The following SLITRK6 variants were observed in gnomAD, a reference collection of about 807,000 sequenced individuals.
The protein encoded by SLITRK6 is SLIT and NTRK like family member 6.
A neutral mutation model predicts 55.6 loss-of-function variants in SLITRK6; 35 were observed. The ratio of observed to expected loss-of-function variants is 0.63; its 90% confidence interval spans 0.48 to 0.83. The LOEUF (loss-of-function observed/expected upper bound fraction) is 0.83, where lower values mean the gene tolerates loss of function less well. SLITRK6 is among the 40% of genes least tolerant of loss of function. The pLI, the probability that SLITRK6 is intolerant of heterozygous loss-of-function variation, is 0.00. For synonymous variants in SLITRK6, 392 were observed against 359.6 expected (o/e 1.09, Z -1.02); for missense variants, 977 against 986.4 (o/e 0.99, Z 0.13).
rs1415607659 is a variant in SLITRK6, at chr13:85,794,601, C to T, written c.1908G>A (p.Arg636=). The part of the protein sequence containing the change: ...AGIVVLVLHR[R]RRYKKKQVDE... ...CTACTTGTTTCTTTTTGTATCTTCT[C>T]CTGCGGTGAAGAACAAGAACCACTA... is the stretch of plus-strand genomic sequence containing the variant. The change falls in exon 2 of 2, where the codon AGG becomes AGA. Residue 636 remains arginine, a synonymous_variant. Transcript: ENST00000647374. 3.1e-6 allele frequency: 5 copies of T among 1,613,096 alleles called. No homozygotes were observed. Among genetic ancestry groups the T allele is most frequent in the Non-Finnish European group, 4.2e-6 (5 of 1,179,506 alleles).
At position 85,795,531 on chromosome 13, in the gene SLITRK6, T is replaced by C. The variant is rs1211913276; in HGVS notation, c.978A>G (p.Gly326=). The C allele has an allele frequency of 6.2e-7, 1 of 1,612,906 alleles. No individual in the cohort carries two copies. The highest frequency in any genetic ancestry group is 2.2e-5 in the East Asian group (1 of 44,816). ...YITKPSTQLP[G]PYCPIPCNCK... ...AGTTACAAGGAATAGGGCAGTAAGG[T>C]CCTGGAAGTTGAGTGGATGGCTTTG... The change falls in exon 2 of 2, where the codon GGA becomes GGG. Residue 326 remains glycine, a synonymous_variant. Transcript: ENST00000647374.
rs577252410 is a variant in SLITRK6 at position 85,796,699 on chromosome 13, T to C, written c.-24-167A>G. 1.9e-4 allele frequency among the ~76,000 whole-genome samples: 29 copies of C among 151,770 alleles called. No homozygotes were observed. In the South Asian group the frequency reaches 3.7e-3, roughly 20 times the overall value. Reference sequence around the variant, plus strand: ...ACATCATTTGTTTCTTTTTTTTTTTTCCTAATACTCAGACAGGCAAGTCTG... The same window carrying C: ...ACATCATTTGTTTCTTTTTTTTTTTCCCTAATACTCAGACAGGCAAGTCTG... On this transcript the variant is annotated intron_variant, in intron 1 of 1. Transcript: ENST00000647374.
Position 85,795,805 on chromosome 13 carries a change from T to C in SLITRK6, c.704A>G (p.Asn235Ser), listed in dbSNP as rs1323838612. 3.7e-6 allele frequency: 6 copies of C among 1,612,860 alleles called. No homozygotes were observed. The African/African-American group carries it at 8.0e-5, about 22-fold the overall frequency. ...DLLQLKTWLE[N>S]MPPQSIIGDV... ...ACCAATTATAGACTGTGGAGGCATG[T>C]TCTCCAACCAAGTTTTTAACTGCAA... Residue 235 changes from asparagine to serine, a missense_variant, in exon 2 of 2, where the codon AAC (asparagine) becomes AGC (serine). Coordinates refer to ENST00000647374, the MANE Select transcript of SLITRK6 (RefSeq NM_032229.3).
In SLITRK6 at chr13:85,797,151, C is replaced by CTATATATATATATA. The variant is rs10694306; in HGVS notation, c.-24-633_-24-620dup. ...GTGTTTTAACCTGCTTCGGTTTTGG[C>CTATATATATATATA]TATATATATATATATATACTAATTT... On this transcript the variant is annotated intron_variant, in intron 1 of 1. Coordinates refer to ENST00000647374, the MANE Select transcript of SLITRK6 (RefSeq NM_032229.3). 6.5e-3 allele frequency among the ~76,000 whole-genome samples: 945 copies of CTATATATATATATA among 145,140 alleles called. 11 individuals carry two copies. The highest frequency in any genetic ancestry group is 0.021 in the African/African-American group (843 of 39,816).
rs776574165 is a variant in SLITRK6 at position 85,794,823 on chromosome 13, A to G, written c.1686T>C (p.Ser562=). ...TTACTAAACCTGGACAGAGAATTTC[A>G]CTATTTAGGGCTTTCAATTCCTTTT... ...LDKKELKALN[S]EILCPGLVNN... is the part of the protein sequence containing the mutation. The change falls in exon 2 of 2, where the codon AGT becomes AGC. Residue 562 remains serine, a synonymous_variant. Transcript: ENST00000647374. The G allele has an allele frequency of 1.5e-5, 25 of 1,613,052 alleles. No individual in the cohort carries two copies. Among genetic ancestry groups the G allele is most frequent in the Non-Finnish European group, 2.0e-5 (24 of 1,179,548 alleles).
Position 85,795,419 on chromosome 13 carries a change from T to G in SLITRK6, c.1090A>C (p.Asn364His). The change falls in exon 2 of 2, where the codon AAT becomes CAT. Residue 364 changes from asparagine to histidine, a missense_variant. Transcript: ENST00000647374. ...CCCGCTAGAATGAGCTTTCTAGGAT[T>G]TTGCGGAGGAGGTCTCAGATCTGAT... ...SLSDLRPPPQ[N>H]PRKLILAGNI... The G allele has an allele frequency of 6.2e-7, 1 of 1,612,940 alleles. No individual in the cohort carries two copies. The highest frequency in any genetic ancestry group is 8.5e-7 in the Non-Finnish European group (1 of 1,179,412).
chr13:85,796,467 G>A lies in SLITRK6; in HGVS notation c.42C>T (p.Ala14=), dbSNP rs1435172285. 3 of 1,576,274 alleles carry A rather than the reference G, an allele frequency of 1.9e-6. No homozygotes were observed. In the African/African-American group the frequency reaches 4.1e-5, roughly 22 times the overall value. Residue 14 remains alanine, a synonymous_variant, in exon 2 of 2, where the codon GCC becomes GCT. Transcript: ENST00000647374. ...WIHLFYSSLL[A]CISLHSQTPV... is the part of the protein sequence containing the mutation. ...GAGTTTGGGAGTGTAAAGATATACA[G>A]GCAAGGAGAGATGAATAAAAGAGAT...
At position 85,795,627 on chromosome 13, in the gene SLITRK6, A is replaced by G. The variant is rs1168491808; in HGVS notation, c.882T>C (p.Ser294=). Reference sequence around the variant, plus strand: ...TGGACGTGGTCTTAGTTGACATGCGACTATCATTTATTGAAGATGTTGCTG... The same window carrying G: ...TGGACGTGGTCTTAGTTGACATGCGGCTATCATTTATTGAAGATGTTGCTG... ...HLAATSSIND[S]RMSTKTTSIL... The change falls in exon 2 of 2, where the codon AGT becomes AGC. Residue 294 remains serine, a synonymous_variant. Coordinates refer to ENST00000647374, the MANE Select transcript of SLITRK6 (RefSeq NM_032229.3). 6.2e-7 allele frequency: 1 copy of G among 1,612,918 alleles called. No homozygotes were observed. Among genetic ancestry groups the G allele is most frequent in the Non-Finnish European group, 8.5e-7 (1 of 1,179,430 alleles).
rs1296692890 is a variant in SLITRK6, at chr13:85,796,155, A to G, written c.354T>C (p.His118=). 2 of 1,612,842 alleles carry G rather than the reference A, an allele frequency of 1.2e-6. No individual in the cohort carries two copies. Among genetic ancestry groups the G allele is most frequent in the African/African-American group, 2.7e-5 (2 of 74,840 alleles). ...FNGLGLLKQL[H]INHNSLEILK... is the part of the protein sequence containing the mutation. ...GAATTTCTAAAGAATTGTGATTGAT[A>G]TGAAGTTGTTTCAGGAGGCCAAGGC... The change falls in exon 2 of 2, where the codon CAT becomes CAC. Residue 118 remains histidine, a synonymous_variant. Transcript: ENST00000647374.
intron 1 of SLITRK6, among the ~76,000 whole-genome samples, chr13:85,798,562 T>C (rs984672527): frequency 4.6e-5 from 7 of 152,032 alleles, no homozygotes; most frequent in African/African-American, 1.7e-4. Flanking sequence ...GCATACAAAA[T>C]GCAAAGAATT....
chr13:85,796,964 T>C lies in SLITRK6; in HGVS notation c.-24-432A>G, dbSNP rs1444900160. 5.3e-5 allele frequency among the ~76,000 whole-genome samples: 8 copies of C among 151,876 alleles called. No homozygotes were observed. The East Asian group carries it at 5.8e-4, about 11-fold the overall frequency. ...AGGATTATAGTAAAAGACAATTACATAGTTATTAGCCGTAAGCATAGAGAA... is the reference window on the plus strand; with the variant it reads ...AGGATTATAGTAAAAGACAATTACACAGTTATTAGCCGTAAGCATAGAGAA... On this transcript the variant is annotated intron_variant, in intron 1 of 1. Transcript: ENST00000647374.
chr13:85,794,772 A>T lies in SLITRK6; in HGVS notation c.1737T>A (p.Thr579=). 1 of 1,613,256 alleles carries T rather than the reference A, an allele frequency of 6.2e-7. No homozygotes were observed. Among genetic ancestry groups the T allele is most frequent in the Non-Finnish European group, 8.5e-7 (1 of 1,179,518 alleles). ...LVNNPSMPTQ[T]SYLMVTTPAT... is the part of the protein sequence containing the mutation. The stretch of plus-strand genomic sequence containing the variant: ...CAGGAGTGGTGACCATAAGGTAACT[A>T]GTCTGTGTTGGCATGGATGGGTTAT... Residue 579 remains threonine, a synonymous_variant, in exon 2 of 2, where the codon ACT becomes ACA. Coordinates refer to ENST00000647374, the MANE Select transcript of SLITRK6 (RefSeq NM_032229.3).
Position 85,794,897 on chromosome 13 carries a change from T to A in SLITRK6, c.1612A>T (p.Asn538Tyr), listed in dbSNP as rs1487465458. Residue 538 changes from asparagine to tyrosine, a missense_variant, in exon 2 of 2, where the codon AAC (asparagine) becomes TAC (tyrosine). Coordinates refer to ENST00000647374, the MANE Select transcript of SLITRK6 (RefSeq NM_032229.3). ...CAGAGGATGTCATCTGTCACTGTGT[T>A]CTTGCTTAACTTTTGTATCCATTGC... ...LQQWIQKLSKNTVTDDILCTS... is the reference protein window; with the variant it reads ...LQQWIQKLSKYTVTDDILCTS... 1.2e-6 allele frequency: 2 copies of A among 1,613,084 alleles called. No homozygotes were observed. The highest frequency in any genetic ancestry group is 3.3e-5 in the Admixed American group (2 of 59,798).
At chr13:85,798,042 T>C (rs1172403581) in intron 1 of SLITRK6, among the ~76,000 whole-genome samples, 1 of 151,930 alleles carries the variant, frequency 6.6e-6, no homozygotes, top group Admixed American at 6.6e-5. Context: ...GAAAACATAG[T>C]GTTTTATTGA....
In SLITRK6 at chr13:85,793,679, C is replaced by G. The variant is rs544981693; in HGVS notation, c.*304G>C. Reference sequence around the variant, plus strand: ...AAATTCGGGATACTTAAATGTTCAGCCTTTTTAGATGTGCAAGAGGACTCC... The same window carrying G: ...AAATTCGGGATACTTAAATGTTCAGGCTTTTTAGATGTGCAAGAGGACTCC... On this transcript the variant is annotated 3_prime_UTR_variant, in exon 2 of 2. Coordinates refer to ENST00000647374, the MANE Select transcript of SLITRK6 (RefSeq NM_032229.3). The G allele has an allele frequency of 9.0e-5, 22 of 244,564 alleles. No individual in the cohort carries two copies. The South Asian group carries it at 3.1e-3, about 34-fold the overall frequency. The allele number at this position is 244,564 out of a possible 1,614,324, so 15.1% of individuals were successfully genotyped here. A position where few individuals can be genotyped will look rare whatever the true frequency, so the allele number is the denominator to read the frequency against.
At position 85,794,098 on chromosome 13, in the gene SLITRK6, A is replaced by G. The variant is rs1479872143; in HGVS notation, c.2411T>C (p.Met804Thr). ...HEELKLMETL[M>T]YSRPRKVLVE... ...TAATACCTTCCTTGGACGTGAGTAC[A>G]TTAATGTTTCCATTAACTTCAGCTC... Residue 804 changes from methionine to threonine, a missense_variant, in exon 2 of 2, where the codon ATG becomes ACG. Coordinates refer to ENST00000647374, the MANE Select transcript of SLITRK6 (RefSeq NM_032229.3). 4 of 1,613,002 alleles carry G rather than the reference A, an allele frequency of 2.5e-6. No homozygotes were observed. In the African/African-American group the frequency reaches 4.0e-5, roughly 16 times the overall value.
At position 85,796,473 on chromosome 13, in the gene SLITRK6, G is replaced by A. The variant is rs1001856630; in HGVS notation, c.36C>T (p.Leu12=). ...GGGAGTGTAAAGATATACAGGCAAGGAGAGATGAATAAAAGAGATGAATCC... is the reference window on the plus strand; with the variant it reads ...GGGAGTGTAAAGATATACAGGCAAGAAGAGATGAATAAAAGAGATGAATCC... ...KLWIHLFYSS[L]LACISLHSQT... Residue 12 remains leucine (L), a synonymous_variant, in exon 2 of 2, where the codon CTC becomes CTT. Coordinates refer to ENST00000647374, the MANE Select transcript of SLITRK6 (RefSeq NM_032229.3). 1.3e-6 allele frequency: 2 copies of A among 1,571,440 alleles called. No individual in the cohort carries two copies. The highest frequency in any genetic ancestry group is 2.8e-5 in the African/African-American group (2 of 72,612).
Position 85,794,587 on chromosome 13 carries a change from T to C in SLITRK6, c.1922A>G (p.Lys641Arg). Reference protein sequence around the residue: ...LVLHRRRRYKKKQVDEQMRDN... With the variant: ...LVLHRRRRYKRKQVDEQMRDN... ...TCTCATTTGCTCATCTACTTGTTTC[T>C]TTTTGTATCTTCTCCTGCGGTGAAG... The change falls in exon 2 of 2, where the codon AAG becomes AGG. Residue 641 changes from lysine to arginine, a missense_variant. Lys to Arg is a conservative substitution (Grantham distance 26, BLOSUM62 2). Transcript: ENST00000647374. 1 of 1,613,226 alleles carries C rather than the reference T, an allele frequency of 6.2e-7. No homozygotes were observed.
In SLITRK6 at chr13:85,795,813, C is replaced by A; in HGVS notation, c.696G>T (p.Trp232Cys). 6.2e-7 allele frequency: 1 copy of A among 1,612,906 alleles called. No individual in the cohort carries two copies. Among genetic ancestry groups the A allele is most frequent in the Non-Finnish European group, 8.5e-7 (1 of 1,179,414 alleles). Residue 232 changes from tryptophan (W) to cysteine (C), a missense_variant, in exon 2 of 2, where the codon TGG (tryptophan) becomes TGT (cysteine). Transcript: ENST00000647374. ...CNCDLLQLKT[W>C]LENMPPQSII... ...TAGACTGTGGAGGCATGTTCTCCAA[C>A]CAAGTTTTTAACTGCAATAAGTCAC...
Sources: allele counts gnomAD v4.1 joint callset (sites outside exome capture counted in the v4.1 genomes callset), GRCh38; gene constraint gnomAD v4.1.1; transcripts MANE v1.5; gene names NCBI Gene and HGNC (gene_info 2026-07-23, HGNC 2026-07-21).